The following ATP8B4 variants were observed in gnomAD, a reference collection of about 807,000 sequenced individuals.
ATP8B4 encodes probable phospholipid-transporting ATPase IM.
In ATP8B4, 133 loss-of-function variants were observed where a neutral mutation model predicts 145.6. That is an observed-to-expected ratio of 0.91 (90% CI 0.79 to 1.05). The LOEUF is 1.05. Among genes scored for constraint, ATP8B4 ranks in the 50% least tolerant of loss-of-function variants. ATP8B4 has a pLI of 0.00. For synonymous variants in ATP8B4, 507 were observed against 492.9 expected (o/e 1.03, Z -0.38); for missense variants, 1,458 against 1,425.2 (o/e 1.02, Z -0.37).
chr15:50,025,465 G>A (rs926449136), intron 6 of ATP8B4, among the ~76,000 whole-genome samples: 1 of 152,068 alleles, frequency 6.6e-6, no homozygotes, highest in Admixed American at 6.6e-5. Context: ...CCCCTCCACA[G>A]GACCTTTGCA....
intron 1 of ATP8B4, among the ~76,000 whole-genome samples, chr15:50,135,438 T>C (rs1417055508): frequency 4.6e-5 from 7 of 152,192 alleles, no homozygotes; most frequent in Admixed American, 1.3e-4. Flanking sequence ...ATCATTATCA[T>C]TGCGGCTTGC....
intron 20 of ATP8B4, among the ~76,000 whole-genome samples, chr15:49,916,439 T>C (rs1416579339): frequency 6.6e-6 from 1 of 152,180 alleles, no homozygotes; most frequent in Non-Finnish European, 1.5e-5. Flanking sequence ...AAAGACTCTA[T>C]TCCATCTTTA....
At position 49,917,006 on chromosome 15, in the gene ATP8B4, A is replaced by G; in HGVS notation, c.2069T>C (p.Met690Thr). 6.2e-7 allele frequency: 1 copy of G among 1,614,022 alleles called. No individual in the cohort carries two copies. The highest frequency in any genetic ancestry group is 8.5e-7 in the Non-Finnish European group (1 of 1,179,920). ...CACATCATTCATGTCGTCAGTCAGC[A>G]TGTTGCAGGCATAACCGATGTTGAT... ...TAINIGYACN[M>T]LTDDMNDVFV... Residue 690 changes from methionine (M) to threonine (T), a missense_variant, in exon 20 of 28, where the codon ATG becomes ACG. Coordinates refer to ENST00000284509, the MANE Select transcript of ATP8B4 (RefSeq NM_024837.4).
chr15:49,969,105 T>C (rs1291920293), intron 13 of ATP8B4, among the ~76,000 whole-genome samples: 1 of 152,214 alleles, frequency 6.6e-6, no homozygotes, highest in Non-Finnish European at 1.5e-5. Context: ...TACCAGAATC[T>C]CTGGGACACA....
intron 21 of ATP8B4, among the ~76,000 whole-genome samples, chr15:49,900,544 A>G (rs1232303850): frequency 6.6e-6 from 1 of 152,252 alleles, no homozygotes; most frequent in African/African-American, 2.4e-5. Flanking sequence ...TTAAAAGTAC[A>G]ATGCAAGTTC....
chr15:50,131,482 C>T (rs1222976185), intron 1 of ATP8B4, among the ~76,000 whole-genome samples: 1 of 152,156 alleles, frequency 6.6e-6, no homozygotes, highest in Non-Finnish European at 1.5e-5. Context: ...AATCCACTAT[C>T]TCTGCCTCTC....
chr15:50,173,557 G>A lies in ATP8B4; in HGVS notation c.-43+8704C>T, dbSNP rs912884531. Reference sequence around the variant, plus strand: ...AAGTACCCAGGGACATAAACACTGCGGAAGGCAGAAGGCGGCAGGGCCCTC... The same window carrying A: ...AAGTACCCAGGGACATAAACACTGCAGAAGGCAGAAGGCGGCAGGGCCCTC... On this transcript the variant is annotated intron_variant, in intron 1 of 3. Transcript: ENST00000558829. Among the ~76,000 whole-genome samples the A allele has an allele frequency of 4.6e-5, 7 of 152,060 alleles. No homozygotes were observed. The East Asian group carries it at 5.8e-4, about 13-fold the overall frequency.
intron 2 of ATP8B4, among the ~76,000 whole-genome samples, chr15:50,084,479 T>TC (rs2054765893): frequency 2.0e-5 from 3 of 152,102 alleles, no homozygotes; most frequent in African/African-American, 7.2e-5. Context: ...TGCAACAGCC[T>TC]CCCCTCTGGT....
intron 2 of ATP8B4, among the ~76,000 whole-genome samples, chr15:50,095,293 A>T (rs886485065): frequency 1.3e-5 from 2 of 152,194 alleles, no homozygotes; most frequent in South Asian, 4.1e-4. Context: ...GAGAGAGAAT[A>T]TTAGCAAAAG....
intron 6 of ATP8B4, 63 bp from the exon 7 acceptor site, chr15:50,010,980 A>G: frequency 8.7e-7 from 1 of 1,147,982 alleles, no homozygotes; most frequent in Non-Finnish European, 1.2e-6. Context: ...AACCAAGGGA[A>G]TGTATTCACA....
intron 1 of ATP8B4, among the ~76,000 whole-genome samples, chr15:50,174,529 T>C (rs1336733672): frequency 2.1e-5 from 3 of 144,276 alleles, no homozygotes; most frequent in African/African-American, 7.8e-5. Context: ...AATCAAGCAC[T>C]CGATCCCTTT....
intron 14 of ATP8B4, among the ~76,000 whole-genome samples, chr15:49,936,212 T>A (rs540170425): frequency 6.6e-6 from 1 of 152,300 alleles, no homozygotes; most frequent in East Asian, 1.9e-4. Flanking sequence ...GCTGATTGTT[T>A]GTCAGGTCTG....
Position 50,106,943 on chromosome 15 carries a change from C to T in ATP8B4, c.24G>A (p.Leu8=). 6.3e-7 allele frequency: 1 copy of T among 1,597,282 alleles called. No homozygotes were observed. Among genetic ancestry groups the T allele is most frequent in the Non-Finnish European group, 8.5e-7 (1 of 1,173,540 alleles). Residue 8 remains leucine (L), a synonymous_variant, in exon 2 of 28, where the codon TTG becomes TTA. Transcript: ENST00000284509. MFCSEKK[L]REVERIVKAN... ...TTGGAAGAACTCAAAACTTACCACG[C>T]AATTTCTTTTCACTGCAGAACATTA...
At chr15:50,179,063 G>C (rs2044806542) in intron 1 of ATP8B4, among the ~76,000 whole-genome samples, 1 of 152,200 alleles carries the variant, frequency 6.6e-6, no homozygotes, top group African/African-American at 2.4e-5. Flanking sequence ...CCAGTAGAAA[G>C]AGGAAGGTGC....
At chr15:49,944,386 A>G (rs929291368) in intron 14 of ATP8B4, among the ~76,000 whole-genome samples, 1 of 152,202 alleles carries the variant, frequency 6.6e-6, no homozygotes, top group Non-Finnish European at 1.5e-5. Flanking sequence ...AAAATATTCC[A>G]TGAAAATGGC....
chr15:50,011,509 A>G (rs974734506), intron 6 of ATP8B4, among the ~76,000 whole-genome samples: 2 of 152,196 alleles, frequency 1.3e-5, no homozygotes, highest in Non-Finnish European at 2.9e-5. Flanking sequence ...ACAGCAGCTC[A>G]GAATAGAGAA....
intron 6 of ATP8B4, among the ~76,000 whole-genome samples, chr15:50,017,879 T>A (rs1446614978): frequency 6.6e-6 from 1 of 152,242 alleles, no homozygotes; most frequent in East Asian, 1.9e-4. Context: ...AGTAATACTG[T>A]CCCAGAACTT....
intron 17 of ATP8B4, chr15:49,922,453 A>G (rs2040346332): frequency 2.3e-6 from 1 of 429,940 alleles, no homozygotes. Flanking sequence ...AAGACAAAAA[A>G]CAATAGCTAT....
At chr15:49,983,589 TC>T (rs2046340397) in intron 10 of ATP8B4, among the ~76,000 whole-genome samples, 1 of 152,162 alleles carries the variant, frequency 6.6e-6, no homozygotes, top group Admixed American at 6.5e-5. Context: ...ATATTTTTCC[TC>T]CTTCCCAACC....
Sources: gnomAD v4.1 joint callset for allele counts (sites outside exome capture counted in the v4.1 genomes callset) on GRCh38, gnomAD v4.1.1 for gene constraint, MANE v1.5 for transcripts, NCBI Gene and HGNC (gene_info 2026-07-23, HGNC 2026-07-21) for gene names.